Variants in SOX6 observed in about 807,000 individuals in gnomAD.
SOX6 encodes transcription factor SOX-6.
Under a neutral mutation model 97.8 loss-of-function variants are expected in SOX6, and 11 were observed. The observed-to-expected ratio is 0.11, with a 90% CI of 0.07 to 0.19. The LOEUF is 0.19. SOX6 is among the 10% of genes least tolerant of loss of function. SOX6 has a pLI of 1.00. For missense variants in SOX6, 810 were observed against 1,039.5 expected (o/e 0.78, Z 3.04); for synonymous variants, 360 against 371.4 (o/e 0.97, Z 0.35).
chr11:16,188,740 C>T (rs1178467687), intron 4 of SOX6, among the ~76,000 whole-genome samples: 1 of 152,044 alleles, frequency 6.6e-6, no homozygotes, highest in South Asian at 2.1e-4. Flanking sequence ...CAGACACAGT[C>T]CCTATTCTTA....
At chr11:16,377,739 T>C (rs1857682356) in intron 1 of SOX6, among the ~76,000 whole-genome samples, 1 of 152,176 alleles carries the variant, frequency 6.6e-6, no homozygotes, top group Admixed American at 6.6e-5. Flanking sequence ...AGGATTTTAC[T>C]AGAAATTCAA....
chr11:16,550,143 A>G (rs1307670671), intron 4 of SOX6, among the ~76,000 whole-genome samples: 1 of 152,212 alleles, frequency 6.6e-6, no homozygotes, highest in Non-Finnish European at 1.5e-5. Context: ...GCCATAAAAA[A>G]GGATGAGTCC....
intron 3 of SOX6, chr11:16,645,950 CA>C (rs1432793726): frequency 6.6e-6 from 1 of 152,056 alleles, no homozygotes; most frequent in African/African-American, 2.4e-5. Context: ...AAAACAAACT[CA>C]ATGGCTTAAA....
chr11:16,141,657 C>T (rs569831789), intron 6 of SOX6, among the ~76,000 whole-genome samples: 1 of 152,238 alleles, frequency 6.6e-6, no homozygotes, highest in East Asian at 1.9e-4. Context: ...AATCGGGTCA[C>T]TCCCACCATT....
At chr11:16,518,713 T>A (rs1861012810) in intron 4 of SOX6, among the ~76,000 whole-genome samples, 1 of 152,206 alleles carries the variant, frequency 6.6e-6, no homozygotes, top group Non-Finnish European at 1.5e-5. Flanking sequence ...ATATTTGCTG[T>A]GCTGTGTGCC....
chr11:16,203,566 A>C (rs1199199494), intron 4 of SOX6, among the ~76,000 whole-genome samples: 2 of 152,176 alleles, frequency 1.3e-5, no homozygotes, highest in Non-Finnish European at 2.9e-5. Flanking sequence ...ATAAACGCTT[A>C]AATCCATTCA....
intron 9 of SOX6, among the ~76,000 whole-genome samples, chr11:16,077,757 G>C (rs777694500): frequency 1.3e-5 from 2 of 152,128 alleles, no homozygotes; most frequent in African/African-American, 2.4e-5. Flanking sequence ...GCTAAACTTT[G>C]AGAACACATG....
chr11:16,281,983 GTATATA>G (rs57254231), intron 3 of SOX6, among the ~76,000 whole-genome samples: 183 of 142,660 alleles, frequency 1.3e-3, no homozygotes, highest in Non-Finnish European at 1.6e-3. Flanking sequence ...ATAAAATCAT[GTATATA>G]TATATATATA....
At chr11:16,657,426 G>A (rs2134017257) in intron 3 of SOX6, among the ~76,000 whole-genome samples, 1 of 152,282 alleles carries the variant, frequency 6.6e-6, no homozygotes, top group Middle Eastern at 3.4e-3. Flanking sequence ...GTGTTTATAT[G>A]AACATAAATC....
chr11:16,504,888 T>C (rs941678047), intron 4 of SOX6, among the ~76,000 whole-genome samples: 4 of 152,156 alleles, frequency 2.6e-5, no homozygotes, highest in Non-Finnish European at 4.4e-5. Flanking sequence ...TCCACCATAA[T>C]TATAAGTTTC....
intron 1 of SOX6, among the ~76,000 whole-genome samples, chr11:16,351,851 A>G (rs1029672995): frequency 2.6e-5 from 4 of 152,200 alleles, no homozygotes; most frequent in South Asian, 2.1e-4. Context: ...AAAATGTATA[A>G]TATCATTATA....
chr11:16,316,681 A>G (rs533248720), intron 3 of SOX6: 1 of 152,226 alleles, frequency 6.6e-6, no homozygotes, highest in Non-Finnish European at 1.5e-5. Flanking sequence ...TTATTTTTAC[A>G]TTAAAGACTC....
At chr11:16,309,269 G>A (rs1036890923) in intron 3 of SOX6, among the ~76,000 whole-genome samples, 20 of 152,168 alleles carry the variant, frequency 1.3e-4, no homozygotes, top group African/African-American at 4.8e-4. Context: ...AAAAGTCCAA[G>A]TGTCCAGAAA....
chr11:16,300,046 G>C lies in SOX6; in HGVS notation c.445+18400C>G, dbSNP rs911207719. On this transcript the variant is annotated intron_variant, in intron 3 of 15. Coordinates refer to ENST00000683767, the MANE Select transcript of SOX6 (RefSeq NM_001367873.1). This position sits in a 1 kb window ranked among gnomAD's most constrained non-coding sequence, Gnocchi z 4.1. Reference sequence around the variant, plus strand: ...GTTTACACTGGAGGCAGTTTTCCACGAGCACTGCTCAGGGAGGAAGTGACA... The same window carrying C: ...GTTTACACTGGAGGCAGTTTTCCACCAGCACTGCTCAGGGAGGAAGTGACA... Among the ~76,000 whole-genome samples, 1 of 152,048 alleles carries C rather than the reference G, an allele frequency of 6.6e-6. No individual in the cohort carries two copies. Among genetic ancestry groups the C allele is most frequent in the African/African-American group, 2.4e-5 (1 of 41,410 alleles).
rs574483068 is a variant in SOX6 at position 16,393,258 on chromosome 11, A to G, written c.-4-52006T>C. On this transcript the variant is annotated intron_variant, in intron 1 of 15. Coordinates refer to the SOX6 transcript ENST00000396356. ...TTTAACCTAAGGGAAGCTTTCGCCA[A>G]TGAGCCCAGGAAAGAGTAAGAAACT... 5.3e-5 allele frequency among the ~76,000 whole-genome samples: 8 copies of G among 152,150 alleles called. No homozygotes were observed. In the South Asian group the frequency reaches 1.0e-3, roughly 20 times the overall value.
intron 3 of SOX6, among the ~76,000 whole-genome samples, chr11:16,680,223 C>A (rs1054352976): frequency 1.3e-5 from 2 of 152,170 alleles, no homozygotes; most frequent in Non-Finnish European, 2.9e-5. Context: ...AGTCGGGTTA[C>A]CCACAAAGGG....
chr11:15,996,943 G>T (rs1854243782), intron 13 of SOX6, among the ~76,000 whole-genome samples: 1 of 151,986 alleles, frequency 6.6e-6, no homozygotes, highest in South Asian at 2.1e-4. Context: ...ACAAAGCCAA[G>T]GTTAGAAATT....
chr11:16,356,820 A>T (rs1273886093), upstream of SOX6, among the ~76,000 whole-genome samples: 1 of 152,124 alleles, frequency 6.6e-6, no homozygotes, highest in Non-Finnish European at 1.5e-5. Context: ...CAGATTCAAC[A>T]AATCAAGTGT....
chr11:16,396,427 T>A (rs928278612), intron 1 of SOX6, among the ~76,000 whole-genome samples: 2 of 151,712 alleles, frequency 1.3e-5, no homozygotes, highest in African/African-American at 2.4e-5. Context: ...TGCACACATA[T>A]AATGTAGATT....
Sources: allele counts gnomAD v4.1 joint callset (sites outside exome capture counted in the v4.1 genomes callset), GRCh38; gene constraint gnomAD v4.1.1; non-coding constraint Gnocchi (gnomAD v3.1); transcripts MANE v1.5; gene names NCBI Gene and HGNC (gene_info 2026-07-23, HGNC 2026-07-21).